HYAL4: variants seen among roughly 807,000 people sequenced by gnomAD.
HYAL4 encodes the protein hyaluronidase 4, also known as hyaluronidase-4.
Under a neutral mutation model 35.2 loss-of-function variants are expected in HYAL4, and 37 were observed. That is an observed-to-expected ratio of 1.05 (90% confidence interval 0.81 to 1.38). The LOEUF is 1.38. HYAL4 is among the 40% of genes most tolerant of loss of function. HYAL4 has a pLI of 0.00. For synonymous variants in HYAL4, 198 were observed against 203.2 expected (o/e 0.97, Z 0.22); for missense variants, 572 against 572.4 (o/e 1.00, Z 0.01).
At chr7:123,805,660 A>AGGG in the HYAL4 span, among the ~76,000 whole-genome samples, 1 of 152,196 alleles carries the variant, frequency 6.6e-6, no homozygotes, top group Non-Finnish European at 1.5e-5. Flanking sequence ...CATGATATTT[A>AGGG]ATAAAAAAGA....
At chr7:123,799,022 C>A in the HYAL4 span, among the ~76,000 whole-genome samples, 2 of 152,168 alleles carry the variant, frequency 1.3e-5, no homozygotes, top group Admixed American at 6.5e-5. Flanking sequence ...TTTAAGAGAA[C>A]ACTACGCTTG....
chr7:123,782,640 G>A, the HYAL4 span, among the ~76,000 whole-genome samples: 2 of 151,982 alleles, frequency 1.3e-5, no homozygotes, highest in Non-Finnish European at 2.9e-5. Context: ...ACTTTCAAAA[G>A]TGTTTCAGTA....
At chr7:123,865,655 T>A (rs1309203223) in intron 2 of HYAL4, among the ~76,000 whole-genome samples, 1 of 152,200 alleles carries the variant, frequency 6.6e-6, no homozygotes, top group African/African-American at 2.4e-5. Flanking sequence ...TTACTTAAAA[T>A]TTTTTTACAG....
At chr7:123,800,803 C>T in the HYAL4 span, among the ~76,000 whole-genome samples, 7 of 151,368 alleles carry the variant, frequency 4.6e-5, no homozygotes, top group Admixed American at 6.6e-5. Flanking sequence ...ATTACAGGCA[C>T]GCGTCACCAC....
the HYAL4 span, among the ~76,000 whole-genome samples, chr7:123,778,965 A>G: frequency 1.4e-4 from 21 of 152,186 alleles, no homozygotes; most frequent in Admixed American, 4.6e-4. Context: ...TTAAGCAGAC[A>G]TTGAAGAGAT....
chr7:123,781,721 A>G, the HYAL4 span, among the ~76,000 whole-genome samples: 2 of 152,158 alleles, frequency 1.3e-5, no homozygotes, highest in Non-Finnish European at 2.9e-5. Context: ...ATATTTTTAT[A>G]TTGCATGTAT....
the HYAL4 span, among the ~76,000 whole-genome samples, chr7:123,821,236 T>C: frequency 6.6e-6 from 1 of 152,340 alleles, no homozygotes; most frequent in Non-Finnish European, 1.5e-5. Context: ...TCTTCCATAC[T>C]GTTTTCCATA....
the HYAL4 span, among the ~76,000 whole-genome samples, chr7:123,804,824 A>G: frequency 6.6e-6 from 1 of 152,340 alleles, no homozygotes; most frequent in East Asian, 1.9e-4. Flanking sequence ...ATTATTCCAC[A>G]GTTATTTCAC....
intron 2 of HYAL4, among the ~76,000 whole-genome samples, chr7:123,850,492 G>C (rs1005858381): frequency 2.0e-5 from 3 of 152,012 alleles, no homozygotes; most frequent in Admixed American, 2.0e-4. Flanking sequence ...CCTCCTCCTC[G>C]GCCTCCCAAA....
At chr7:123,823,756 C>T in the HYAL4 span, among the ~76,000 whole-genome samples, 1 of 149,514 alleles carries the variant, frequency 6.7e-6, no homozygotes, top group Non-Finnish European at 1.5e-5. Context: ...CACACACACA[C>T]ACACATATAT....
chr7:123,786,261 A>T, the HYAL4 span, among the ~76,000 whole-genome samples: 1 of 152,214 alleles, frequency 6.6e-6, no homozygotes, highest in Non-Finnish European at 1.5e-5. Context: ...CACACTCTAC[A>T]TAAGTGCTCA....
chr7:123,823,962 C>T, the HYAL4 span, among the ~76,000 whole-genome samples: 1 of 152,012 alleles, frequency 6.6e-6, no homozygotes, highest in Non-Finnish European at 1.5e-5. Context: ...CATTAACAAA[C>T]AGTCTCAGTT....
chr7:123,839,436 G>T (rs146076268), intron 1 of HYAL4, among the ~76,000 whole-genome samples: 14 of 152,018 alleles, frequency 9.2e-5, no homozygotes, highest in African/African-American at 3.4e-4. Flanking sequence ...GAATAGTGCC[G>T]CAATAAACAT....
chr7:123,796,371 C>T, the HYAL4 span, among the ~76,000 whole-genome samples: 2 of 152,104 alleles, frequency 1.3e-5, no homozygotes, highest in South Asian at 2.1e-4. Flanking sequence ...GAAACATTTA[C>T]GTGGTGTTTA....
the HYAL4 span, among the ~76,000 whole-genome samples, chr7:123,780,389 G>A: frequency 6.6e-6 from 1 of 152,078 alleles, no homozygotes; most frequent in Non-Finnish European, 1.5e-5. Context: ...GGATAAAAAC[G>A]TATCCACTTC....
At chr7:123,835,996 A>T (rs1226335137) in intron 1 of HYAL4, among the ~76,000 whole-genome samples, 2 of 152,194 alleles carry the variant, frequency 1.3e-5, no homozygotes, top group Non-Finnish European at 2.9e-5. Flanking sequence ...ATGGCCTATC[A>T]TATGGTCTAT....
chr7:123,845,869 T>A (rs1250438902), intron 1 of HYAL4, among the ~76,000 whole-genome samples, 184 bp downstream of exon 1: 1 of 152,218 alleles, frequency 6.6e-6, no homozygotes, highest in Admixed American at 6.5e-5. Context: ...TCTCCCCCTT[T>A]TCCTATGGAT....
chr7:123,805,919 G>A, the HYAL4 span, among the ~76,000 whole-genome samples: 4 of 151,994 alleles, frequency 2.6e-5, no homozygotes, highest in Non-Finnish European at 4.4e-5. Flanking sequence ...ACTTGAACCC[G>A]GGAGGTAGAG....
chr7:123,848,024 C>T (rs1474318630), intron 1 of HYAL4, 65 bp from the exon 2 acceptor site: 3 of 152,580 alleles, frequency 2.0e-5, no homozygotes, highest in Admixed American at 2.0e-4. Context: ...TTAATGCAAG[C>T]CTCCAGTTTA....
Sources: allele counts gnomAD v4.1 joint callset (sites outside exome capture counted in the v4.1 genomes callset), GRCh38; gene constraint gnomAD v4.1.1; transcripts MANE v1.5; gene names NCBI Gene and HGNC (gene_info 2026-07-23, HGNC 2026-07-21).